LUZP2: variants seen among roughly 807,000 people sequenced by gnomAD.
LUZP2 encodes leucine zipper protein 2.
A neutral mutation model predicts 51.6 loss-of-function variants in LUZP2; 52 were observed. The observed-to-expected ratio is 1.01, with a 90% CI of 0.81 to 1.27. The LOEUF (loss-of-function observed/expected upper bound fraction) is 1.27, where lower values mean the gene tolerates loss of function less well. LUZP2 is among the 50% of genes most tolerant of loss of function. The pLI is 0.00. For missense variants in LUZP2, 436 were observed against 395.4 expected (o/e 1.10, Z -0.87); for synonymous variants, 154 against 137.3 (o/e 1.12, Z -0.85).
In LUZP2 at chr11:24,574,227, T is replaced by C. The variant is rs759534411; in HGVS notation, c.62+76922T>C. Among the ~76,000 whole-genome samples, 112 of 105,808 alleles carry C rather than the reference T, an allele frequency of 1.1e-3. 2 individuals are homozygous for C. Among genetic ancestry groups the C allele is most frequent in the African/African-American group, 2.4e-3 (56 of 23,416 alleles). The allele number at this position is 105,808 out of a possible 152,430, so 69.4% of individuals were successfully genotyped here. A position where few individuals can be genotyped will look rare whatever the true frequency, so the allele number is the denominator to read the frequency against. On this transcript the variant is annotated intron_variant, in intron 1 of 11. Transcript: ENST00000336930. Reference sequence around the variant, plus strand: ...TTCTTCCTTCCTTTCTTTCTTTCTTTCTTTCTTTCTTTCTTTCTTTCTTTC... The same window carrying C: ...TTCTTCCTTCCTTTCTTTCTTTCTTCCTTTCTTTCTTTCTTTCTTTCTTTC...
chr11:25,008,542 G>A (rs1367151020), intron 9 of LUZP2, among the ~76,000 whole-genome samples: 1 of 152,172 alleles, frequency 6.6e-6, no homozygotes, highest in Non-Finnish European at 1.5e-5. Flanking sequence ...GTGAACTGGG[G>A]CATGTGACAC....
At chr11:24,771,715 A>T (rs919618679) in intron 5 of LUZP2, among the ~76,000 whole-genome samples, 10 of 152,034 alleles carry the variant, frequency 6.6e-5, no homozygotes, top group Non-Finnish European at 1.3e-4. Flanking sequence ...CCCACGTGTC[A>T]AAGGGTGGGG....
intron 1 of LUZP2, among the ~76,000 whole-genome samples, chr11:24,612,126 C>T (rs1333518390): frequency 6.6e-6 from 1 of 152,016 alleles, no homozygotes; most frequent in African/African-American, 2.4e-5. Flanking sequence ...ATATTAAAAC[C>T]CAATTAAATT....
intron 7 of LUZP2, among the ~76,000 whole-genome samples, chr11:24,951,807 C>T (rs887406317): frequency 2.0e-5 from 3 of 151,416 alleles, no homozygotes; most frequent in Non-Finnish European, 4.4e-5. Context: ...AGTTGAAAAC[C>T]CTTACAAAAA....
At chr11:24,530,310 C>T (rs188232873) in intron 1 of LUZP2, among the ~76,000 whole-genome samples, 7 of 150,854 alleles carry the variant, frequency 4.6e-5, no homozygotes, top group Non-Finnish European at 7.4e-5. Flanking sequence ...TTTTTCTGCT[C>T]GACATCTGTA....
chr11:24,704,577 T>C (rs1857516838), intron 1 of LUZP2, among the ~76,000 whole-genome samples: 1 of 151,856 alleles, frequency 6.6e-6, no homozygotes, highest in Non-Finnish European at 1.5e-5. Flanking sequence ...GGAATTTAAA[T>C]TCTCTCATGT....
At chr11:24,666,849 C>T (rs1590320899) in intron 1 of LUZP2, among the ~76,000 whole-genome samples, 1 of 152,234 alleles carries the variant, frequency 6.6e-6, no homozygotes. Context: ...AAAGAAAAAC[C>T]AGGATCTTGC....
chr11:24,513,850 A>G (rs548674466), intron 1 of LUZP2, among the ~76,000 whole-genome samples: 1 of 152,314 alleles, frequency 6.6e-6, no homozygotes, highest in African/African-American at 2.4e-5. Flanking sequence ...GACAGTGTTT[A>G]TCTCAAAGAA....
At chr11:25,061,321 A>G (rs936469092) in intron 10 of LUZP2, among the ~76,000 whole-genome samples, 22 of 152,192 alleles carry the variant, frequency 1.4e-4, no homozygotes, top group African/African-American at 4.8e-4. Flanking sequence ...TTGTGATCAT[A>G]TAATAATATT....
chr11:24,820,912 T>A (rs1850339457), intron 5 of LUZP2, among the ~76,000 whole-genome samples: 2 of 152,136 alleles, frequency 1.3e-5, no homozygotes, highest in Admixed American at 1.3e-4. Context: ...CAACAGTCAG[T>A]GGTGACATCA....
At chr11:24,649,609 T>C (rs1357260006) in intron 1 of LUZP2, among the ~76,000 whole-genome samples, 3 of 151,878 alleles carry the variant, frequency 2.0e-5, no homozygotes, top group African/African-American at 7.2e-5. Context: ...CTAATATATT[T>C]TTGCTTTAGG....
At chr11:25,014,004 G>GT (rs1256008336) in intron 9 of LUZP2, among the ~76,000 whole-genome samples, 5 of 152,070 alleles carry the variant, frequency 3.3e-5, no homozygotes, top group Admixed American at 2.0e-4. Flanking sequence ...GTGGTGTTTG[G>GT]TTTTTTGTCC....
chr11:24,663,308 C>A (rs879291693), intron 1 of LUZP2, among the ~76,000 whole-genome samples: 6 of 152,058 alleles, frequency 3.9e-5, no homozygotes, highest in Non-Finnish European at 5.9e-5. Flanking sequence ...GGCACTTCCC[C>A]TTTGTTCTCT....
intron 10 of LUZP2, among the ~76,000 whole-genome samples, chr11:25,062,404 T>G (rs1286900281): frequency 6.8e-6 from 1 of 147,962 alleles, no homozygotes; most frequent in Non-Finnish European, 1.5e-5. Flanking sequence ...GGGAAACATG[T>G]TGAAACTCTG....
chr11:24,665,916 C>T (rs943263021), intron 1 of LUZP2, among the ~76,000 whole-genome samples: 3 of 151,930 alleles, frequency 2.0e-5, no homozygotes, highest in African/African-American at 4.8e-5. Context: ...TTTGTTAGCT[C>T]GTTTGTTTCC....
At chr11:24,550,293 T>C (rs907883861) in intron 1 of LUZP2, among the ~76,000 whole-genome samples, 1 of 152,092 alleles carries the variant, frequency 6.6e-6, no homozygotes, top group Non-Finnish European at 1.5e-5. Flanking sequence ...AATTTTGAAG[T>C]TTAATTTTGT....
intron 4 of LUZP2, 84 bp downstream of exon 4, chr11:24,738,386 A>G: frequency 1.2e-6 from 1 of 860,832 alleles, no homozygotes; most frequent in Admixed American, 2.3e-5. Context: ...TGGAACAAAC[A>G]CACCTATAAA....
intron 10 of LUZP2, among the ~76,000 whole-genome samples, chr11:25,060,925 T>G (rs1858816645): frequency 6.6e-6 from 1 of 152,184 alleles, no homozygotes; most frequent in Admixed American, 6.6e-5. Context: ...AAAATTTTTA[T>G]CTGAAATATT....
intron 1 of LUZP2, among the ~76,000 whole-genome samples, chr11:24,513,503 G>T (rs1448859531): frequency 6.6e-6 from 1 of 152,088 alleles, no homozygotes; most frequent in Non-Finnish European, 1.5e-5. Context: ...AATATCAATA[G>T]CCACTTTAAA....
Sources: gnomAD v4.1 joint callset for allele counts (sites outside exome capture counted in the v4.1 genomes callset) on GRCh38, gnomAD v4.1.1 for gene constraint, MANE v1.5 for transcripts, NCBI Gene and HGNC (gene_info 2026-07-23, HGNC 2026-07-21) for gene names.